The following MAPKBP1 variants were observed in gnomAD, a reference collection of about 807,000 sequenced individuals.
MAPKBP1 encodes the protein mitogen-activated protein kinase-binding protein 1.
A neutral mutation model predicts 170.5 loss-of-function variants in MAPKBP1; 71 were observed. That is an observed-to-expected ratio of 0.42 (90% CI 0.34 to 0.51). MAPKBP1 has a LOEUF of 0.51. Ranked by LOEUF, MAPKBP1 falls within the 20% of genes least tolerant of loss-of-function variation. The pLI is 0.06. For missense variants in MAPKBP1, 1,598 were observed against 1,933.0 expected (o/e 0.83, Z 3.25); for synonymous variants, 719 against 757.9 (o/e 0.95, Z 0.84).
chr15:41,803,413 CAAAAAAAAAA>C (rs1166671811), intron 3 of MAPKBP1, among the ~76,000 whole-genome samples: 124 of 11,268 alleles, frequency 0.011, 7 homozygotes, highest in Non-Finnish European at 0.021. Flanking sequence ...GACTCCATCT[CAAAAAAAAAA>C]AAAAAAAAAA....
intron 2 of MAPKBP1, among the ~76,000 whole-genome samples, chr15:41,795,373 G>A (rs1037406470): frequency 2.0e-5 from 3 of 151,938 alleles, no homozygotes; most frequent in African/African-American, 7.3e-5. Flanking sequence ...GGCTACAATT[G>A]GCTTAAGGTG....
At chr15:41,805,754 G>A (rs2064679159) in intron 3 of MAPKBP1, among the ~76,000 whole-genome samples, 1 of 152,228 alleles carries the variant, frequency 6.6e-6, no homozygotes, top group African/African-American at 2.4e-5. Context: ...GGAACACAGA[G>A]CTACCTTCTT....
intron 7 of MAPKBP1, 59 bp from the exon 8 acceptor site, chr15:41,812,860 C>T (rs1767919350): frequency 6.5e-7 from 1 of 1,538,030 alleles, no homozygotes; most frequent in East Asian, 2.2e-5. Flanking sequence ...TCCTAGGGCC[C>T]AGTTTCCAGG....
At chr15:41,816,517 G>A (rs771865126) in intron 12 of MAPKBP1, 42 bp from the exon 13 acceptor site, 12 of 1,424,808 alleles carry the variant, frequency 8.4e-6, no homozygotes, top group Admixed American at 3.4e-5. Context: ...TCCTTCCTGC[G>A]GCCTGGCCAT....
At chr15:41,801,718 C>T (rs1021002668) in intron 3 of MAPKBP1, among the ~76,000 whole-genome samples, 2 of 152,124 alleles carry the variant, frequency 1.3e-5, no homozygotes, top group Non-Finnish European at 1.5e-5. Flanking sequence ...GGTGTGATGG[C>T]GGGTGCTGGT....
chr15:41,823,669 T>C lies in MAPKBP1; in HGVS notation c.3821T>C (p.Ile1274Thr). The C allele has an allele frequency of 6.2e-7, 1 of 1,614,110 alleles. No individual in the cohort carries two copies. Among genetic ancestry groups the C allele is most frequent in the Non-Finnish European group, 8.5e-7 (1 of 1,180,016 alleles). Residue 1274 changes from isoleucine to threonine, a missense_variant, in exon 29 of 31, where the codon ATC (isoleucine) becomes ACC (threonine). Around this residue, in one of 6 missense-constraint regions of MAPKBP1, gnomAD observed 942 missense variants for 953.2 expected, o/e 0.99. Coordinates refer to ENST00000457542, the MANE Select transcript of MAPKBP1 (RefSeq NM_014994.3). ...LVAEPQAHAP[I>T]RVSPLSKLAL... Reference sequence around the variant, plus strand: ...GCTGAACCTCAAGCTCATGCCCCCATCCGAGTCTCACCACTCAGCAAGCTG... The same window carrying C: ...GCTGAACCTCAAGCTCATGCCCCCACCCGAGTCTCACCACTCAGCAAGCTG...
chr15:41,825,020 T>C lies in MAPKBP1; in HGVS notation c.4300-189T>C, dbSNP rs2065066296. On this transcript the variant is annotated intron_variant, in intron 30 of 30. Coordinates refer to ENST00000457542, the MANE Select transcript of MAPKBP1 (RefSeq NM_014994.3). ...AGATGTAGACGGTTCTGCAATCCAA[T>C]GGGTTCCTCCTTGGGCGTCACCCCC... 2.9e-5 allele frequency: 16 copies of C among 559,254 alleles called. No homozygotes were observed. The South Asian group carries it at 4.0e-4, about 14-fold the overall frequency. The allele number at this position is 559,254 out of a possible 1,614,324, so 34.6% of individuals were successfully genotyped here.
chr15:41,776,303 C>T (rs879341496), intron 2 of MAPKBP1, among the ~76,000 whole-genome samples: 6 of 152,198 alleles, frequency 3.9e-5, no homozygotes, highest in Admixed American at 6.5e-5. Context: ...ATTGCTTTGC[C>T]TGTATCTCTT....
At chr15:41,784,655 A>G (rs1176276678) in intron 2 of MAPKBP1, among the ~76,000 whole-genome samples, 1 of 151,090 alleles carries the variant, frequency 6.6e-6, no homozygotes, top group Non-Finnish European at 1.5e-5. Context: ...GGTGGCGCAC[A>G]CCTGTAGTCC....
At chr15:41,776,036 A>G (rs550688815) in intron 2 of MAPKBP1, among the ~76,000 whole-genome samples, 22 of 152,370 alleles carry the variant, frequency 1.4e-4, no homozygotes, top group South Asian at 2.1e-4. Context: ...TCAGCTGCAG[A>G]TGATCCTCAG....
At chr15:41,808,443 G>T (rs1182045148) in intron 3 of MAPKBP1, among the ~76,000 whole-genome samples, 1 of 150,786 alleles carries the variant, frequency 6.6e-6, no homozygotes, top group Admixed American at 6.6e-5. Flanking sequence ...GAGCGATGGG[G>T]TGCAGAGTTT....
chr15:41,777,128 G>A (rs1168694960), intron 2 of MAPKBP1, among the ~76,000 whole-genome samples: 1 of 152,100 alleles, frequency 6.6e-6, no homozygotes, highest in Non-Finnish European at 1.5e-5. Context: ...GGATCACTAG[G>A]TCAGGAGTTC....
chr15:41,818,937 A>G lies in MAPKBP1; in HGVS notation c.2271A>G (p.Gln757=), dbSNP rs762508791. Residue 757 remains glutamine, a synonymous_variant, in exon 20 of 31, where the codon CAA becomes CAG. Transcript: ENST00000457542. The surrounding 1 kb of genome is among the most constrained non-coding windows in gnomAD (Gnocchi z 5.2). ...AGCAGCAAGGACCATCCTCTCCCCA[A>G]AGGGCTTCTGGACCCAACCGGTGAG... ...GGKQQGPSSP[Q]RASGPNRHQA... is the part of the protein sequence containing the mutation. 1.9e-6 allele frequency: 3 copies of G among 1,614,090 alleles called. No homozygotes were observed. Among genetic ancestry groups the G allele is most frequent in the Non-Finnish European group, 2.5e-6 (3 of 1,180,002 alleles).
rs1249974476 is a variant in MAPKBP1, at chr15:41,823,480, C to A, written c.3632C>A (p.Pro1211Gln). 8.1e-6 allele frequency: 13 copies of A among 1,613,840 alleles called. No homozygotes were observed. The highest frequency in any genetic ancestry group is 1.1e-5 in the Non-Finnish European group (13 of 1,179,848). ...RHEASLQAPS[P>Q]GALLSREIEA... Reference sequence around the variant, plus strand: ...GAGGCCAGTCTGCAGGCCCCTTCACCAGGCGCACTGCTGTCTCGGGAGATC... The same window carrying A: ...GAGGCCAGTCTGCAGGCCCCTTCACAAGGCGCACTGCTGTCTCGGGAGATC... Residue 1211 changes from proline to glutamine, a missense_variant, in exon 29 of 31, where the codon CCA (proline) becomes CAA (glutamine). Around this residue, in one of 6 missense-constraint regions of MAPKBP1, gnomAD observed 942 missense variants for 953.2 expected, o/e 0.99. Transcript: ENST00000457542.
At chr15:41,788,017 G>A (rs1478827592) in intron 2 of MAPKBP1, among the ~76,000 whole-genome samples, 1 of 152,000 alleles carries the variant, frequency 6.6e-6, no homozygotes, top group East Asian at 1.9e-4. Context: ...GAGTGCAGTG[G>A]CACTATCTCA....
chr15:41,817,828 A>G lies in MAPKBP1; in HGVS notation c.1904+93A>G. 6.3e-7 allele frequency: 1 copy of G among 1,587,114 alleles called. No individual in the cohort carries two copies. Among genetic ancestry groups the G allele is most frequent in the Non-Finnish European group, 8.6e-7 (1 of 1,163,678 alleles). ...TAAGTTCCCACATCTGTCGTTCTGT[A>G]CAGGACTTTGTACCCCCTTGAGCCT... is the stretch of plus-strand genomic sequence containing the variant. On this transcript the variant is annotated intron_variant, in intron 16 of 30. Coordinates refer to ENST00000457542, the MANE Select transcript of MAPKBP1 (RefSeq NM_014994.3). This position sits in a 1 kb window ranked among gnomAD's most constrained non-coding sequence, Gnocchi z 4.2.
chr15:41,812,387 T>C (rs936080988), intron 6 of MAPKBP1, 129 bp from the exon 7 acceptor site: 88 of 1,352,800 alleles, frequency 6.5e-5, no homozygotes, highest in Non-Finnish European at 9.1e-5. Flanking sequence ...CCCCTCTTTT[T>C]CTGGCCAGTA....
chr15:41,799,797 A>C (rs373736279), intron 2 of MAPKBP1, 26 bp from the exon 3 acceptor site: 5 of 1,589,456 alleles, frequency 3.1e-6, no homozygotes, highest in Non-Finnish European at 4.3e-6. Flanking sequence ...TGTCTGTAAC[A>C]TGTCACTTCT....
intron 26 of MAPKBP1, 82 bp downstream of exon 26, chr15:41,822,504 A>G: frequency 6.2e-7 from 1 of 1,603,906 alleles, no homozygotes; most frequent in East Asian, 2.2e-5. Context: ...GTCCCAGGGT[A>G]TAGGCTGTGG....
Sources: allele counts gnomAD v4.1 joint callset (sites outside exome capture counted in the v4.1 genomes callset), GRCh38; gene constraint gnomAD v4.1.1; regional missense constraint gnomAD v4.1.1; non-coding constraint Gnocchi (gnomAD v3.1); transcripts MANE v1.5; gene names NCBI Gene and HGNC (gene_info 2026-07-23, HGNC 2026-07-21).